Variants in USH2A observed in about 807,000 individuals in gnomAD.
USH2A encodes usherin.
A neutral mutation model predicts 538.9 loss-of-function variants in USH2A; 443 were observed. That is an observed-to-expected ratio of 0.82 (90% CI 0.76 to 0.89). The LOEUF is 0.89. Ranked by LOEUF, USH2A falls within the 40% of genes least tolerant of loss-of-function variation. The pLI is 0.00. For synonymous variants in USH2A, 2,413 were observed against 2,273.5 expected (o/e 1.06, Z -1.75); for missense variants, 6,633 against 6,324.8 (o/e 1.05, Z -1.65).
intron 13 of USH2A, among the ~76,000 whole-genome samples, chr1:216,246,029 C>T (rs2036037036): frequency 6.6e-6 from 1 of 152,156 alleles, no homozygotes; most frequent in Non-Finnish European, 1.5e-5. Context: ...GTCTATCCCT[C>T]TCCCAATTGG....
At chr1:216,228,006 G>C (rs1051626421) in intron 14 of USH2A, among the ~76,000 whole-genome samples, 1 of 152,122 alleles carries the variant, frequency 6.6e-6, no homozygotes, top group Non-Finnish European at 1.5e-5. Context: ...CCTCAGGCTA[G>C]AAGTAGAAGA....
At chr1:215,634,351 C>G in intron 70 of USH2A, 108 bp downstream of exon 70, 2 of 1,569,336 alleles carry the variant, frequency 1.3e-6, no homozygotes, top group South Asian at 2.2e-5. Flanking sequence ...TGAAACATAA[C>G]TTACATCTAA....
chr1:216,194,887 G>A (rs146903355), intron 19 of USH2A, among the ~76,000 whole-genome samples: 2 of 152,234 alleles, frequency 1.3e-5, no homozygotes, highest in East Asian at 1.9e-4. Context: ...CTGTGGTACA[G>A]GCAGATGAGC....
intron 3 of USH2A, among the ~76,000 whole-genome samples, chr1:216,416,852 T>C (rs1410988695): frequency 1.3e-5 from 2 of 152,216 alleles, no homozygotes; most frequent in African/African-American, 4.8e-5. Context: ...GATACAAAAA[T>C]ATGCAACAAA....
At chr1:216,360,868 C>T (rs938818998) in intron 4 of USH2A, among the ~76,000 whole-genome samples, 1 of 151,980 alleles carries the variant, frequency 6.6e-6, no homozygotes, top group Admixed American at 6.6e-5. Flanking sequence ...GCCCATTCTC[C>T]TAAATACAAA....
intron 4 of USH2A, among the ~76,000 whole-genome samples, chr1:216,329,250 A>G (rs2037800287): frequency 6.6e-6 from 1 of 152,200 alleles, no homozygotes; most frequent in African/African-American, 2.4e-5. Context: ...TACAAGAAAT[A>G]AGAAAACATG....
chr1:216,044,305 C>T (rs2030422493), intron 32 of USH2A, among the ~76,000 whole-genome samples: 1 of 152,096 alleles, frequency 6.6e-6, no homozygotes, highest in South Asian at 2.1e-4. Context: ...CCATTACATG[C>T]AATGTTACCT....
intron 37 of USH2A, among the ~76,000 whole-genome samples, chr1:215,954,278 G>C (rs1204514173): frequency 6.6e-6 from 1 of 151,878 alleles, no homozygotes; most frequent in African/African-American, 2.4e-5. Context: ...TGTTTATTGT[G>C]GCACTATTCA....
rs1451767430 is a variant in USH2A at position 216,147,905 on chromosome 1, C to G, written c.4627+27347G>C. Among the ~76,000 whole-genome samples, 811 of 146,102 alleles carry G rather than the reference C, an allele frequency of 5.6e-3. 5 individuals carry two copies. The highest frequency in any genetic ancestry group is 8.5e-3 in the Non-Finnish European group (563 of 66,446). On this transcript the variant is annotated intron_variant, in intron 21 of 71. Transcript: ENST00000307340. ...AGCCGCGTCCCATCTGTGTGGGACC[C>G]CACTGAAAATCGGACTGTTCAACTC...
chr1:215,972,638 T>A lies in USH2A; in HGVS notation c.6806-1862A>T, dbSNP rs574954613. Among the ~76,000 whole-genome samples, 5 of 152,326 alleles carry A rather than the reference T, an allele frequency of 3.3e-5. No homozygotes were observed. The East Asian group carries it at 9.6e-4, about 29-fold the overall frequency. ...TTAAAGCATTTTTTGTTAAATGAGTTAATACTTTTAAAAAGCCACTGCTGT... is the reference window on the plus strand; with the variant it reads ...TTAAAGCATTTTTTGTTAAATGAGTAAATACTTTTAAAAAGCCACTGCTGT... On this transcript the variant is annotated intron_variant, in intron 35 of 71. Transcript: ENST00000307340.
At chr1:216,094,499 T>C (rs983936734) in intron 22 of USH2A, among the ~76,000 whole-genome samples, 3 of 152,212 alleles carry the variant, frequency 2.0e-5, no homozygotes, top group African/African-American at 7.2e-5. Flanking sequence ...ATACTTCTCT[T>C]CTATTTCAAA....
chr1:216,133,988 T>A (rs1254513510), intron 21 of USH2A, among the ~76,000 whole-genome samples: 2 of 152,124 alleles, frequency 1.3e-5, no homozygotes, highest in Admixed American at 6.6e-5. Context: ...ATCGGATGAT[T>A]GGATCTATCA....
chr1:215,815,336 T>G (rs1571714109), intron 48 of USH2A, among the ~76,000 whole-genome samples: 1 of 152,112 alleles, frequency 6.6e-6, no homozygotes, highest in Non-Finnish European at 1.5e-5. Flanking sequence ...CACGCCTGTT[T>G]TCTAAAGCCT....
chr1:215,916,134 A>G (rs557756448), intron 38 of USH2A, among the ~76,000 whole-genome samples: 56 of 151,996 alleles, frequency 3.7e-4, no homozygotes, highest in African/African-American at 1.2e-3. Context: ...ACATGTATAC[A>G]TGTGTAACAA....
intron 22 of USH2A, among the ~76,000 whole-genome samples, chr1:216,093,442 A>G (rs2032353684): frequency 6.6e-6 from 1 of 152,116 alleles, no homozygotes; most frequent in African/African-American, 2.4e-5. Flanking sequence ...TGCCCTGTGA[A>G]TGTTTCCCTG....
chr1:215,932,553 T>C (rs1434515399), intron 38 of USH2A, among the ~76,000 whole-genome samples: 3 of 152,196 alleles, frequency 2.0e-5, no homozygotes, highest in East Asian at 3.9e-4. Flanking sequence ...ATTTTAAAGC[T>C]ATACGTTTCC....
intron 61 of USH2A, among the ~76,000 whole-genome samples, chr1:215,699,460 T>C (rs1461542343): frequency 6.6e-6 from 1 of 152,196 alleles, no homozygotes; most frequent in Non-Finnish European, 1.5e-5. Flanking sequence ...GCATGGAATA[T>C]TTTTCCATTT....
rs1657960260 is a variant in USH2A, at chr1:215,674,979, A to G, written c.12932T>C (p.Phe4311Ser). ...QRNEMLYPFS[F>S]DPVTFNYTDE... is the part of the protein sequence containing the mutation. ...AGTGTAATTGAAAGTCACAGGATCA[A>G]AGCTAAAAGGATAGAGCATTTCATT... Residue 4311 changes from phenylalanine to serine, a missense_variant, in exon 63 of 72, where the codon TTT (phenylalanine) becomes TCT (serine). Phe to Ser is a radical substitution (Grantham distance 155). Coordinates refer to ENST00000307340, the MANE Select transcript of USH2A (RefSeq NM_206933.4). 6.2e-7 allele frequency: 1 copy of G among 1,614,226 alleles called. No homozygotes were observed.
At chr1:216,360,628 G>A (rs1280926998) in intron 4 of USH2A, among the ~76,000 whole-genome samples, 6 of 152,114 alleles carry the variant, frequency 3.9e-5, no homozygotes, top group African/African-American at 7.2e-5. Context: ...AAGGCTGTGC[G>A]TGTGTAGGAG....
Sources: allele counts gnomAD v4.1 joint callset (sites outside exome capture counted in the v4.1 genomes callset), GRCh38; gene constraint gnomAD v4.1.1; transcripts MANE v1.5; gene names NCBI Gene and HGNC (gene_info 2026-07-23, HGNC 2026-07-21).